The following NCBP3 variants were observed in gnomAD, a reference collection of about 807,000 sequenced individuals.
NCBP3 encodes the protein nuclear cap binding subunit 3, also known as nuclear cap-binding protein subunit 3.
NCBP3 carries 20 observed loss-of-function variants against 75.7 expected under a neutral mutation model. The ratio of observed to expected loss-of-function variants is 0.26; its 90% confidence interval spans 0.19 to 0.38. The LOEUF is 0.38. Ranked by LOEUF, NCBP3 falls within the 10% of genes least tolerant of loss-of-function variation. The pLI is 1.00. For missense variants in NCBP3, 678 were observed against 796.9 expected (o/e 0.85, Z 1.80); for synonymous variants, 293 against 290.5 (o/e 1.01, Z -0.09).
At position 3,843,071 on chromosome 17, in the gene NCBP3, C is replaced by A. The variant is rs533618128; in HGVS notation, c.249+15G>T. 2.2e-5 allele frequency: 34 copies of A among 1,543,550 alleles called. No homozygotes were observed. The highest frequency in any genetic ancestry group is 2.5e-5 in the Non-Finnish European group (29 of 1,139,834). On this transcript the variant is annotated intron_variant, in intron 2 of 12. Transcript: ENST00000389005. ...TGCTTATCAAGCTGAATAAATAAATCATAGCCTGTCTTACCTTGGAGGTGA... is the reference window on the plus strand; with the variant it reads ...TGCTTATCAAGCTGAATAAATAAATAATAGCCTGTCTTACCTTGGAGGTGA...
rs970453432 is a variant in NCBP3 at position 3,806,782 on chromosome 17, G to C, written c.*6262C>G. 2 of 147,906 alleles carry C rather than the reference G, an allele frequency of 1.4e-5. No individual in the cohort carries two copies. Among genetic ancestry groups the C allele is most frequent in the African/African-American group, 5.0e-5 (2 of 40,200 alleles). 9.2% of individuals were successfully genotyped at this position (147,906 alleles called of 1,614,324 possible). A position where few individuals can be genotyped will look rare whatever the true frequency, so the allele number is the denominator to read the frequency against. ...TAAGATTTATTTTATAAACATGTAA[G>C]AAAAGTTGTAGATATTTATTGTGGG... On this transcript the variant is annotated 3_prime_UTR_variant, in exon 13 of 13. Transcript: ENST00000389005.
At chr17:3,821,856 TC>T in intron 8 of NCBP3, 96 bp downstream of exon 8, 1 of 746,930 alleles carries the variant, frequency 1.3e-6, no homozygotes, top group Non-Finnish European at 2.3e-6. Flanking sequence ...TTGTTTTCCT[TC>T]CAGTTTACAC....
intron 2 of NCBP3, among the ~76,000 whole-genome samples, chr17:3,842,554 G>A (rs1239625302): frequency 6.6e-6 from 1 of 152,138 alleles, no homozygotes; most frequent in Non-Finnish European, 1.5e-5. Flanking sequence ...CATTTTCTTG[G>A]AAACGGTTCA....
intron 9 of NCBP3, among the ~76,000 whole-genome samples, chr17:3,819,363 C>G (rs1266007318): frequency 6.6e-6 from 1 of 152,102 alleles, no homozygotes; most frequent in African/African-American, 2.4e-5. Context: ...CGAGACCATC[C>G]TGGCTAACAT....
rs9901371 is a variant in NCBP3 at position 3,805,925 on chromosome 17, C to T, written c.*7119G>A. ...GGGGCAGAAGGAGTCCCCAGAGCCC[C>T]GGCCCCAGCCACCATCCTATTTGAC... On this transcript the variant is annotated 3_prime_UTR_variant, in exon 13 of 13. Transcript: ENST00000389005. 0.42 allele frequency: 63,986 copies of T among 152,038 alleles called. 14,237 individuals are homozygous for T. Among genetic ancestry groups the T allele is most frequent in the East Asian group, 0.6 (3,091 of 5,150 alleles). The allele number at this position is 152,038 out of a possible 1,614,324, so 9.4% of individuals were successfully genotyped here.
rs995929389 is a variant in NCBP3, at chr17:3,818,597, T to A, written c.1001-25A>T. The A allele has an allele frequency of 6.4e-7, 1 of 1,573,686 alleles. No homozygotes were observed. The highest frequency in any genetic ancestry group is 2.2e-5 in the East Asian group (1 of 44,498). The stretch of plus-strand genomic sequence containing the variant: ...CCTGAAGAAATTTAACCAGAAAACA[T>A]TAGGAAAAGCACTAAAATTAACAAG... On this transcript the variant is annotated intron_variant, in intron 9 of 12. Coordinates refer to ENST00000389005, the MANE Select transcript of NCBP3 (RefSeq NM_001114118.3). This position sits in a 1 kb window ranked among gnomAD's most constrained non-coding sequence, Gnocchi z 4.7.
At chr17:3,817,449 T>C (rs1020646476) in intron 10 of NCBP3, among the ~76,000 whole-genome samples, 10 of 152,216 alleles carry the variant, frequency 6.6e-5, no homozygotes, top group African/African-American at 2.4e-4. Context: ...GCCAACATGC[T>C]GAAACCCGTC....
chr17:3,819,084 A>G lies in NCBP3; in HGVS notation c.1001-512T>C, dbSNP rs369091111. On this transcript the variant is annotated intron_variant, in intron 9 of 12. Transcript: ENST00000389005. ...CCTGCTGCTAGTGATTTCACTGCTT[A>G]AAATGGCCCTGAGTGTCGTGCCGAA... 4.0e-5 allele frequency among the ~76,000 whole-genome samples: 6 copies of G among 151,812 alleles called. No individual in the cohort carries two copies. The East Asian group carries it at 5.8e-4, about 15-fold the overall frequency.
chr17:3,819,802 T>C (rs1363321274), intron 9 of NCBP3, among the ~76,000 whole-genome samples: 1 of 152,144 alleles, frequency 6.6e-6, no homozygotes, highest in Non-Finnish European at 1.5e-5. Flanking sequence ...ATGGGAAAAA[T>C]GTAAGATGAA....
At chr17:3,821,568 G>A (rs775326135) in intron 8 of NCBP3, among the ~76,000 whole-genome samples, 3 of 151,994 alleles carry the variant, frequency 2.0e-5, no homozygotes, top group Non-Finnish European at 2.9e-5. Flanking sequence ...GATTACAGGC[G>A]CCCACCACCA....
intron 3 of NCBP3, among the ~76,000 whole-genome samples, chr17:3,836,070 C>G (rs1275690839): frequency 6.6e-6 from 1 of 152,204 alleles, no homozygotes; most frequent in Non-Finnish European, 1.5e-5. Context: ...GTTAATGACA[C>G]AGCAGAGCGA....
Position 3,816,113 on chromosome 17 carries a change from T to C in NCBP3, c.1465+3A>G. On this transcript the variant is annotated splice_donor_region_variant and intron_variant, in intron 11 of 12. Coordinates refer to ENST00000389005, the MANE Select transcript of NCBP3 (RefSeq NM_001114118.3). ...AGCCAGGAATCCAAGTGAGGAACAGTACCTGATTTAGTACTGCTGACTGGT... is the reference window on the plus strand; with the variant it reads ...AGCCAGGAATCCAAGTGAGGAACAGCACCTGATTTAGTACTGCTGACTGGT... The C allele has an allele frequency of 6.2e-7, 1 of 1,613,002 alleles. No homozygotes were observed. The highest frequency in any genetic ancestry group is 8.5e-7 in the Non-Finnish European group (1 of 1,179,510).
At chr17:3,823,967 T>C (rs73974135) in intron 7 of NCBP3, 114 of 152,238 alleles carry the variant, frequency 7.5e-4, no homozygotes, top group African/African-American at 2.6e-3. Context: ...CTGAGGGACA[T>C]TGTATAAAAT....
chr17:3,841,724 T>G (rs982320399), intron 2 of NCBP3, among the ~76,000 whole-genome samples: 1 of 148,402 alleles, frequency 6.7e-6, no homozygotes, highest in Non-Finnish European at 1.5e-5. Context: ...TCCCAGCTAC[T>G]CGGGAGGCTG....
intron 6 of NCBP3, 22 bp from the exon 7 acceptor site, chr17:3,825,072 TA>T: frequency 7.4e-7 from 1 of 1,342,896 alleles, no homozygotes; most frequent in Non-Finnish European, 1.0e-6. Flanking sequence ...AGAGTATTTT[TA>T]ATATAAAAAT....
At chr17:3,839,904 C>G (rs989669073) in intron 3 of NCBP3, among the ~76,000 whole-genome samples, 196 bp downstream of exon 3, 1 of 152,200 alleles carries the variant, frequency 6.6e-6, no homozygotes, top group Non-Finnish European at 1.5e-5. Flanking sequence ...TTTCCCAGCT[C>G]TAACATCTGA....
Position 3,803,547 on chromosome 17 carries a change from C to A in NCBP3, c.*9497G>T, listed in dbSNP as rs1232329252. ...TTCACTAAAACATCTTACGGATAAA[C>A]GAGCATGATGTATACAAATAATCCT... On this transcript the variant is annotated 3_prime_UTR_variant, in exon 13 of 13. Transcript: ENST00000389005. 1 of 152,078 alleles carries A rather than the reference C, an allele frequency of 6.6e-6. No individual in the cohort carries two copies. Among genetic ancestry groups the A allele is most frequent in the Non-Finnish European group, 1.5e-5 (1 of 68,024 alleles). The allele number at this position is 152,078 out of a possible 1,614,324, so 9.4% of individuals were successfully genotyped here.
Position 3,846,125 on chromosome 17 carries a change from G to A in NCBP3, c.99C>T (p.Asp33=). 1 of 1,546,924 alleles carries A rather than the reference G, an allele frequency of 6.5e-7. No homozygotes were observed. The highest frequency in any genetic ancestry group is 2.5e-5 in the East Asian group (1 of 39,992). The change falls in exon 1 of 13, where the codon GAC becomes GAT. Residue 33 remains aspartate (D), a synonymous_variant. Transcript: ENST00000389005. The surrounding 1 kb of genome is among the most constrained non-coding windows in gnomAD (Gnocchi z 4.6). ...LPSPEAESGV[D]RGEPEPMEVE... ...CCTCCATGGGCTCCGGCTCGCCACG[G>A]TCAACACCGGACTCCGCCTCAGGGG... is the stretch of plus-strand genomic sequence containing the variant.
chr17:3,818,675 C>A lies in NCBP3; in HGVS notation c.1001-103G>T, dbSNP rs183689183. 2.3e-6 allele frequency: 3 copies of A among 1,307,204 alleles called. No homozygotes were observed. The East Asian group carries it at 6.9e-5, about 30-fold the overall frequency. 81.0% of individuals were successfully genotyped at this position (1,307,204 alleles called of 1,614,324 possible). A position where few individuals can be genotyped will look rare whatever the true frequency, so the allele number is the denominator to read the frequency against. ...CTTTTTAAAAGGTGGGGTTCCCATC[C>A]CTGACATTTTATTGGAGCACTATCT... On this transcript the variant is annotated intron_variant, in intron 9 of 12. Transcript: ENST00000389005. The surrounding 1 kb of genome is among the most constrained non-coding windows in gnomAD (Gnocchi z 4.7).
Sources: gnomAD v4.1 joint callset for allele counts (sites outside exome capture counted in the v4.1 genomes callset) on GRCh38, gnomAD v4.1.1 for gene constraint, Gnocchi (gnomAD v3.1) non-coding constraint, MANE v1.5 for transcripts, NCBI Gene and HGNC (gene_info 2026-07-23, HGNC 2026-07-21) for gene names.